CBX5: variants seen among roughly 807,000 people sequenced by gnomAD.
CBX5 encodes chromobox protein homolog 5.
Under a neutral mutation model 20.7 loss-of-function variants are expected in CBX5, and 7 were observed. That is an observed-to-expected ratio of 0.34 (90% CI 0.19 to 0.63). CBX5 has a LOEUF of 0.63. Ranked by LOEUF, CBX5 falls within the 30% of genes least tolerant of loss-of-function variation. CBX5 has a pLI of 0.75. For synonymous variants in CBX5, 78 were observed against 77.0 expected (o/e 1.01, Z -0.07); for missense variants, 110 against 224.1 (o/e 0.49, Z 3.25).
chr12:54,277,955 A>G (rs554558173), intron 1 of CBX5, among the ~76,000 whole-genome samples: 1 of 152,264 alleles, frequency 6.6e-6, no homozygotes, highest in East Asian at 1.9e-4. Flanking sequence ...CAAGCCTCCT[A>G]CCTCAGCCTC....
chr12:54,233,172 T>C lies in CBX5; in HGVS notation c.*8583A>G, dbSNP rs763968377. 2.0e-5 allele frequency: 3 copies of C among 152,224 alleles called. No individual in the cohort carries two copies. Among genetic ancestry groups the C allele is most frequent in the Non-Finnish European group, 4.4e-5 (3 of 68,050 alleles). The allele number at this position is 152,224 out of a possible 1,614,324, so 9.4% of individuals were successfully genotyped here. On this transcript the variant is annotated 3_prime_UTR_variant, in exon 5 of 5. Coordinates refer to ENST00000209875, the MANE Select transcript of CBX5 (RefSeq NM_012117.3). ...GGGTAAGGATACAAATGGTGACCCC[T>C]GCTTTTCTATTCAGGGAGAGGGGAT...
intron 3 of CBX5, among the ~76,000 whole-genome samples, chr12:54,248,290 A>G (rs188640718): frequency 3.1e-3 from 479 of 152,338 alleles, no homozygotes; most frequent in Non-Finnish European, 4.8e-3. Flanking sequence ...CACCCGGCCC[A>G]AACTAGGTAA....
chr12:54,273,402 C>G (rs1383836935), intron 1 of CBX5: 1 of 152,154 alleles, frequency 6.6e-6, no homozygotes, highest in Non-Finnish European at 1.5e-5. Context: ...AAAATCACAC[C>G]AATGCACTCC....
intron 3 of CBX5, among the ~76,000 whole-genome samples, chr12:54,248,236 G>T (rs1433323838): frequency 6.6e-6 from 1 of 152,054 alleles, no homozygotes; most frequent in African/African-American, 2.4e-5. Flanking sequence ...TGATCCACAC[G>T]CCTCAGCCTC....
At chr12:54,277,419 G>T (rs886137454) in intron 1 of CBX5, among the ~76,000 whole-genome samples, 3 of 152,140 alleles carry the variant, frequency 2.0e-5, no homozygotes, top group African/African-American at 4.8e-5. Flanking sequence ...TGGCCAGGCC[G>T]GTCTCAAACT....
At chr12:54,276,823 A>C (rs895997992) in intron 1 of CBX5, 1 of 152,194 alleles carries the variant, frequency 6.6e-6, no homozygotes, top group Non-Finnish European at 1.5e-5. Flanking sequence ...GATTAGTGTA[A>C]AATATATTTC....
rs548639703 is a variant in CBX5, at chr12:54,233,070, C to T, written c.*8685G>A. On this transcript the variant is annotated 3_prime_UTR_variant, in exon 5 of 5. Transcript: ENST00000209875. ...CTACATCACATCCCTCCCCACAATA[C>T]CCAGAGGGCTGCATTTTTCCAACCT... 5 of 152,294 alleles carry T rather than the reference C, an allele frequency of 3.3e-5. No individual in the cohort carries two copies. In the South Asian group the frequency reaches 1.0e-3, roughly 32 times the overall value. The allele number at this position is 152,294 out of a possible 1,614,324, so 9.4% of individuals were successfully genotyped here. A position where few individuals can be genotyped will look rare whatever the true frequency, so the allele number is the denominator to read the frequency against.
chr12:54,257,244 T>C (rs1232147003), intron 2 of CBX5, among the ~76,000 whole-genome samples: 1 of 152,170 alleles, frequency 6.6e-6, no homozygotes, highest in Non-Finnish European at 1.5e-5. Context: ...GTATCATAAG[T>C]GGTGGAGTTA....
At chr12:54,278,129 G>A (rs781617644) in intron 1 of CBX5, among the ~76,000 whole-genome samples, 1 of 152,180 alleles carries the variant, frequency 6.6e-6, no homozygotes, top group Non-Finnish European at 1.5e-5. Context: ...GGGATGTGGC[G>A]AGTGATGCGA....
Position 54,239,617 on chromosome 12 carries a change from T to G in CBX5, c.*2138A>C, listed in dbSNP as rs910391966. On this transcript the variant is annotated 3_prime_UTR_variant, in exon 5 of 5. Coordinates refer to ENST00000209875, the MANE Select transcript of CBX5 (RefSeq NM_012117.3). ...ATTAAGTACAAGCAATTGTCAATTATCCAGCACTTGATCTAGGCCTTTAAT... is the reference window on the plus strand; with the variant it reads ...ATTAAGTACAAGCAATTGTCAATTAGCCAGCACTTGATCTAGGCCTTTAAT... 1.3e-5 allele frequency: 2 copies of G among 152,232 alleles called. No homozygotes were observed. Among genetic ancestry groups the G allele is most frequent in the Non-Finnish European group, 2.9e-5 (2 of 68,042 alleles). The allele number at this position is 152,232 out of a possible 1,614,324, so 9.4% of individuals were successfully genotyped here. A position where few individuals can be genotyped will look rare whatever the true frequency, so the allele number is the denominator to read the frequency against.
intron 3 of CBX5, among the ~76,000 whole-genome samples, chr12:54,247,450 G>C (rs1943748197): frequency 6.6e-6 from 1 of 152,146 alleles, no homozygotes; most frequent in East Asian, 1.9e-4. Context: ...AGGATCCCTT[G>C]GGCCCAGGAG....
chr12:54,253,305 C>T (rs550453744), intron 2 of CBX5, among the ~76,000 whole-genome samples: 24 of 152,166 alleles, frequency 1.6e-4, no homozygotes, highest in Non-Finnish European at 2.8e-4. Flanking sequence ...GTCCCAGCTA[C>T]GCAGGAGGCT....
rs933004270 is a variant in CBX5 at position 54,241,151 on chromosome 12, T to C, written c.*604A>G. The C allele has an allele frequency of 1.3e-5, 2 of 152,210 alleles. No individual in the cohort carries two copies. The highest frequency in any genetic ancestry group is 4.8e-5 in the African/African-American group (2 of 41,432). 9.4% of individuals were successfully genotyped at this position (152,210 alleles called of 1,614,324 possible). ...AATCTTCCAAAGGATGGAGTAATTC[T>C]GGGAGGATGAGTGAGGATGAACAAC... is the stretch of plus-strand genomic sequence containing the variant. On this transcript the variant is annotated 3_prime_UTR_variant, in exon 5 of 5. Coordinates refer to ENST00000209875, the MANE Select transcript of CBX5 (RefSeq NM_012117.3).
chr12:54,246,929 CTG>C (rs900343377), intron 3 of CBX5, among the ~76,000 whole-genome samples: 1 of 152,164 alleles, frequency 6.6e-6, no homozygotes, highest in African/African-American at 2.4e-5. Context: ...TTTACCCTAA[CTG>C]TATCTTTTCA....
intron 4 of CBX5, among the ~76,000 whole-genome samples, chr12:54,244,949 C>A (rs1200018321): frequency 6.6e-6 from 1 of 151,850 alleles, no homozygotes; most frequent in Admixed American, 6.6e-5. Flanking sequence ...CATGGTCTTA[C>A]AGTAAGTAAT....
rs1253686774 is a variant in CBX5 at position 54,231,654 on chromosome 12, A to T, written c.*10101T>A. 6.6e-6 allele frequency: 1 copy of T among 152,364 alleles called. No individual in the cohort carries two copies. The highest frequency in any genetic ancestry group is 2.4e-5 in the African/African-American group (1 of 41,470). The allele number at this position is 152,364 out of a possible 1,614,324, so 9.4% of individuals were successfully genotyped here. A position where few individuals can be genotyped will look rare whatever the true frequency, so the allele number is the denominator to read the frequency against. On this transcript the variant is annotated 3_prime_UTR_variant, in exon 5 of 5. Coordinates refer to ENST00000209875, the MANE Select transcript of CBX5 (RefSeq NM_012117.3). ...AAGGCTCTTGAGCCCACACCTGGCC[A>T]AGTAGAAATAGTGTCCAAAGTTTTC...
chr12:54,277,385 A>G (rs577319157), intron 1 of CBX5, among the ~76,000 whole-genome samples: 6 of 152,286 alleles, frequency 3.9e-5, no homozygotes, highest in East Asian at 1.9e-4. Flanking sequence ...TTGTGTTTTT[A>G]GTAGAGACGG....
chr12:54,260,160 CAAAAAAA>C (rs368171294), intron 1 of CBX5, among the ~76,000 whole-genome samples: 42 of 74,992 alleles, frequency 5.6e-4, no homozygotes, highest in African/African-American at 1.9e-3. Context: ...AAACAACAAC[CAAAAAAA>C]AAAAAAAAAA....
chr12:54,249,375 G>A lies in CBX5; in HGVS notation c.324+2666C>T, dbSNP rs552196000. On this transcript the variant is annotated intron_variant, in intron 3 of 4. Coordinates refer to ENST00000209875, the MANE Select transcript of CBX5 (RefSeq NM_012117.3). ...GTGAGACTATGTCTCAAAAAAAAAAGAAAAAAAAAAAATTCTAATTTTACT... is the reference window on the plus strand; with the variant it reads ...GTGAGACTATGTCTCAAAAAAAAAAAAAAAAAAAAAAATTCTAATTTTACT... Among the ~76,000 whole-genome samples the A allele has an allele frequency of 3.2e-3, 417 of 132,138 alleles. 1 individual carries two copies. Among genetic ancestry groups the A allele is most frequent in the African/African-American group, 7.8e-3 (282 of 36,290 alleles). 86.7% of individuals were successfully genotyped at this position (132,138 alleles called of 152,430 possible).
Sources: allele counts gnomAD v4.1 joint callset (sites outside exome capture counted in the v4.1 genomes callset), GRCh38; gene constraint gnomAD v4.1.1; transcripts MANE v1.5; gene names NCBI Gene and HGNC (gene_info 2026-07-23, HGNC 2026-07-21).